ELP4: variants seen among roughly 807,000 people sequenced by gnomAD.
ELP4 encodes elongator acetyltransferase complex subunit 4.
A neutral mutation model predicts 48.9 loss-of-function variants in ELP4; 51 were observed. The ratio of observed to expected loss-of-function variants is 1.04; its 90% confidence interval spans 0.83 to 1.32. The LOEUF is 1.32. Among genes scored for constraint, ELP4 ranks in the 40% most tolerant of loss-of-function variants. The pLI is 0.00. For synonymous variants in ELP4, 210 were observed against 189.2 expected, an observed-to-expected ratio of 1.11 and a Z score of -0.90; for missense variants, 519 against 514.6, an observed-to-expected ratio of 1.01 and a Z score of -0.08.
chr11:31,632,421 A>T lies in ELP4; in HGVS notation c.927+16A>T. On this transcript the variant is annotated intron_variant, in intron 7 of 9. Transcript: ENST00000640961. ...TCTGATCCAGGTACGAAATTTCCAG[A>T]ACTACTTTTTCATAATTCATAGTAA... The T allele has an allele frequency of 6.3e-7, 1 of 1,588,322 alleles. No individual in the cohort carries two copies. The highest frequency in any genetic ancestry group is 8.6e-7 in the Non-Finnish European group (1 of 1,169,504).
chr11:31,645,402 A>G (rs1349869073), intron 7 of ELP4, among the ~76,000 whole-genome samples: 1 of 151,802 alleles, frequency 6.6e-6, no homozygotes, highest in African/African-American at 2.4e-5. Flanking sequence ...ATTAAATGAA[A>G]GAAGTAAATC....
rs1259731819 is a variant in ELP4 at position 31,789,978 on chromosome 11, C to T, written c.*6454C>T. The T allele has an allele frequency of 5.6e-6, 9 of 1,594,440 alleles. No homozygotes were observed. The highest frequency in any genetic ancestry group is 1.7e-4 in the Middle Eastern group (1 of 5,986). ...TATTGAGACATATCAGGTTCACTTC[C>T]GGGAACTTGAACTGGAACTGACACA... On this transcript the variant is annotated 3_prime_UTR_variant, in exon 10 of 10. Transcript: ENST00000640961.
At chr11:31,675,587 TA>T (rs1945906882) in intron 9 of ELP4, among the ~76,000 whole-genome samples, 1 of 152,126 alleles carries the variant, frequency 6.6e-6, no homozygotes, top group Non-Finnish European at 1.5e-5. Flanking sequence ...AAAAATATAT[TA>T]AGCATATACA....
intron 3 of ELP4, among the ~76,000 whole-genome samples, chr11:31,542,019 C>G (rs1956599867): frequency 1.3e-5 from 2 of 152,102 alleles, no homozygotes; most frequent in South Asian, 2.1e-4. Context: ...CATGTCTGAC[C>G]AAGATAGATT....
chr11:31,627,003 CTAAT>C, intron 5 of ELP4, 103 bp from the exon 6 acceptor site: 1 of 616,128 alleles, frequency 1.6e-6, no homozygotes, highest in Non-Finnish European at 2.9e-6. Context: ...CTTAAGTAAT[CTAAT>C]AAATGTATGC....
intron 3 of ELP4, among the ~76,000 whole-genome samples, chr11:31,547,364 G>A (rs1642506072): frequency 2.6e-5 from 4 of 152,240 alleles, no homozygotes; most frequent in South Asian, 2.1e-4. Flanking sequence ...ACACCTCTAC[G>A]CAAATAAACT....
At chr11:31,631,989 G>A (rs1944870754) in intron 6 of ELP4, among the ~76,000 whole-genome samples, 1 of 151,844 alleles carries the variant, frequency 6.6e-6, no homozygotes, top group East Asian at 1.9e-4. Context: ...AAAGCTTAAG[G>A]CTTATGATAC....
chr11:31,707,608 T>C (rs1351334478), intron 9 of ELP4, among the ~76,000 whole-genome samples: 1 of 152,178 alleles, frequency 6.6e-6, no homozygotes, highest in Non-Finnish European at 1.5e-5. Context: ...TTATATTATT[T>C]TTCTGTTACT....
chr11:31,596,658 A>G (rs943475718), intron 4 of ELP4, among the ~76,000 whole-genome samples: 4 of 152,232 alleles, frequency 2.6e-5, no homozygotes, highest in African/African-American at 9.6e-5. Flanking sequence ...TTAAGCAATG[A>G]CATATTGTTC....
chr11:31,676,709 A>G (rs1040624539), intron 9 of ELP4, among the ~76,000 whole-genome samples: 8 of 152,188 alleles, frequency 5.3e-5, no homozygotes, highest in African/African-American at 1.9e-4. Context: ...TGCTGGTATT[A>G]TTTAATCCCC....
intron 9 of ELP4, among the ~76,000 whole-genome samples, chr11:31,704,395 C>T (rs977339165): frequency 3.4e-4 from 52 of 152,132 alleles, no homozygotes; most frequent in Non-Finnish European, 1.8e-4. Context: ...GAACAAAAAA[C>T]CATACACCGC....
rs919189892 is a variant in ELP4 at position 31,698,177 on chromosome 11, A to G, written c.1143+47956A>G. On this transcript the variant is annotated intron_variant, in intron 9 of 9. Transcript: ENST00000640961. ...GGTATAAAATATGCATAGTATACTC[A>G]AAGTTGAAACTTTAAACACATATTT... Among the ~76,000 whole-genome samples, 226 of 152,322 alleles carry G rather than the reference A, an allele frequency of 1.5e-3. 2 individuals carry two copies. The highest frequency in any genetic ancestry group is 5.1e-3 in the African/African-American group (213 of 41,590).
chr11:31,585,110 A>G (rs1413307241), intron 3 of ELP4, among the ~76,000 whole-genome samples: 1 of 152,206 alleles, frequency 6.6e-6, no homozygotes, highest in Non-Finnish European at 1.5e-5. Flanking sequence ...ACTCCAAAAA[A>G]ATCAGTTGTG....
intron 3 of ELP4, among the ~76,000 whole-genome samples, chr11:31,556,562 G>A (rs894845619): frequency 1.3e-5 from 2 of 151,676 alleles, no homozygotes; most frequent in African/African-American, 4.8e-5. Flanking sequence ...TAGAACTGAA[G>A]AAAATAAAAG....
chr11:31,633,596 C>G (rs1294022418), intron 7 of ELP4: 1 of 151,958 alleles, frequency 6.6e-6, no homozygotes, highest in Non-Finnish European at 1.5e-5. Context: ...CATAAGGAAA[C>G]TCTTTTCTCT....
intron 3 of ELP4, among the ~76,000 whole-genome samples, chr11:31,593,358 TC>T (rs1260050200): frequency 2.0e-5 from 3 of 151,900 alleles, no homozygotes; most frequent in African/African-American, 7.3e-5. Context: ...GCTCAAGCGA[TC>T]CTCCCCTAAG....
chr11:31,548,265 C>T (rs906670417), intron 3 of ELP4, among the ~76,000 whole-genome samples: 4 of 152,142 alleles, frequency 2.6e-5, no homozygotes, highest in East Asian at 1.9e-4. Context: ...ATCTCCTTAG[C>T]GGATAAGCAA....
chr11:31,761,252 C>A (rs1309248537), intron 9 of ELP4, among the ~76,000 whole-genome samples: 2 of 151,402 alleles, frequency 1.3e-5, no homozygotes, highest in African/African-American at 4.8e-5. Flanking sequence ...GTGGGAGGAT[C>A]ACTTGAACCC....
chr11:31,579,092 G>GA (rs1957339188), intron 3 of ELP4, among the ~76,000 whole-genome samples: 1 of 151,682 alleles, frequency 6.6e-6, no homozygotes, highest in Admixed American at 6.6e-5. Context: ...CAAATTTACA[G>GA]AAAAAATCAA....
Sources: allele counts gnomAD v4.1 joint callset (sites outside exome capture counted in the v4.1 genomes callset), GRCh38; gene constraint gnomAD v4.1.1; transcripts MANE v1.5; gene names NCBI Gene and HGNC (gene_info 2026-07-23, HGNC 2026-07-21).